KLHL32: variants seen among roughly 807,000 people sequenced by gnomAD.
KLHL32 encodes kelch like family member 32.
Under a neutral mutation model 64.8 loss-of-function variants are expected in KLHL32, and 35 were observed. The ratio of observed to expected loss-of-function variants is 0.54; its 90% CI spans 0.41 to 0.72. KLHL32 has a LOEUF of 0.72. Ranked by LOEUF, KLHL32 falls within the 30% of genes least tolerant of loss-of-function variation. The probability of loss-of-function intolerance (pLI) is 0.00; values close to 1 mark genes in which losing one functional copy is unlikely to be tolerated. For synonymous variants in KLHL32, 259 were observed against 281.0 expected, an observed-to-expected ratio of 0.92 and a Z score of 0.78; for missense variants, 589 against 768.5, an observed-to-expected ratio of 0.77 and a Z score of 2.76.
At chr6:97,083,015 T>G (rs1246416681) in intron 5 of KLHL32, among the ~76,000 whole-genome samples, 1 of 152,216 alleles carries the variant, frequency 6.6e-6, no homozygotes, top group Non-Finnish European at 1.5e-5. Flanking sequence ...CTGTGTACTT[T>G]CCACGTGCCA....
At chr6:96,979,265 T>A in intron 3 of KLHL32, among the ~76,000 whole-genome samples, 1 of 152,204 alleles carries the variant, frequency 6.6e-6, no homozygotes, top group East Asian at 1.9e-4. Flanking sequence ...AGGGTTTTTA[T>A]CATTTTAGGT....
chr6:96,996,893 G>A lies in KLHL32; in HGVS notation c.204+20716G>A, dbSNP rs187096525. Among the ~76,000 whole-genome samples, 7 of 152,126 alleles carry A rather than the reference G, an allele frequency of 4.6e-5. No individual in the cohort carries two copies. The East Asian group carries it at 1.4e-3, about 29-fold the overall frequency. On this transcript the variant is annotated intron_variant, in intron 3 of 10. Coordinates refer to ENST00000369261, the MANE Select transcript of KLHL32 (RefSeq NM_052904.4). ...CCCAAATTTTAATAATTCACATTAG[G>A]GGCATGAAAAGTGGTTAAGTAAGAG...
intron 7 of KLHL32, among the ~76,000 whole-genome samples, chr6:97,119,070 A>C (rs1324598223): frequency 6.6e-6 from 1 of 152,124 alleles, no homozygotes; most frequent in African/African-American, 2.4e-5. Flanking sequence ...TGGTCCAATC[A>C]CTTCAATAAT....
intron 3 of KLHL32, among the ~76,000 whole-genome samples, chr6:96,987,487 T>C (rs1562218607): frequency 6.6e-6 from 1 of 152,222 alleles, no homozygotes; most frequent in Non-Finnish European, 1.5e-5. Flanking sequence ...TCCATGCTTA[T>C]GGGTAGGAAG....
At chr6:97,120,674 G>A (rs573071425) in intron 7 of KLHL32, among the ~76,000 whole-genome samples, 5 of 152,124 alleles carry the variant, frequency 3.3e-5, no homozygotes, top group African/African-American at 4.8e-5. Flanking sequence ...TGTGTGTTGC[G>A]GGAGTAAGTA....
Position 97,055,796 on chromosome 6 carries a change from T to TAAAAAAAAAAAAAA in KLHL32, c.313-8819_313-8806dup, listed in dbSNP as rs750242567. Among the ~76,000 whole-genome samples, 282 of 81,008 alleles carry TAAAAAAAAAAAAAA rather than the reference T, an allele frequency of 3.5e-3. 33 individuals carry two copies. The highest frequency in any genetic ancestry group is 4.4e-3 in the Non-Finnish European group (159 of 36,462). 53.1% of individuals were successfully genotyped at this position (81,008 alleles called of 152,430 possible). A position where few individuals can be genotyped will look rare whatever the true frequency, so the allele number is the denominator to read the frequency against. ...CGAGGTAACAGACTGAGAACCTGTC[T>TAAAAAAAAAAAAAA]AAAAAAAAAAAAAAAAAAAAAAAAA... On this transcript the variant is annotated intron_variant, in intron 4 of 10. Transcript: ENST00000369261.
chr6:96,924,056 C>A (rs939704488), upstream of KLHL32, among the ~76,000 whole-genome samples: 1 of 152,176 alleles, frequency 6.6e-6, no homozygotes, highest in African/African-American at 2.4e-5. Context: ...TTTCTCATTT[C>A]TCAGGCTTGG....
chr6:96,988,932 C>G (rs779340313), intron 3 of KLHL32, among the ~76,000 whole-genome samples: 1 of 151,072 alleles, frequency 6.6e-6, no homozygotes, highest in Non-Finnish European at 1.5e-5. Context: ...GGAAGGGGAA[C>G]ATCACACACT....
At chr6:97,132,475 T>C (rs1799537201) in intron 9 of KLHL32, among the ~76,000 whole-genome samples, 178 bp from the exon 10 acceptor site, 1 of 152,120 alleles carries the variant, frequency 6.6e-6, no homozygotes, top group African/African-American at 2.4e-5. Flanking sequence ...ATTCATTCTC[T>C]GAGAAATAGT....
chr6:96,976,087 T>G lies in KLHL32; in HGVS notation c.114T>G (p.Asp38Glu). The G allele has an allele frequency of 6.2e-7, 1 of 1,609,588 alleles. No homozygotes were observed. The highest frequency in any genetic ancestry group is 8.5e-7 in the Non-Finnish European group (1 of 1,176,780). ...VLAALNQQRS[D>E]GILCDITLIA... ...CAGCGCTGAATCAGCAGAGGAGTGATGGCATCCTCTGCGACATCACCCTGA... is the reference window on the plus strand; with the variant it reads ...CAGCGCTGAATCAGCAGAGGAGTGAGGGCATCCTCTGCGACATCACCCTGA... Residue 38 changes from aspartate to glutamate, a missense_variant, in exon 3 of 11, where the codon GAT (aspartate) becomes GAG (glutamate). Around this residue, in one of 3 missense-constraint regions of KLHL32, gnomAD observed 191 missense variants for 223.3 expected, o/e 0.86. Coordinates refer to ENST00000369261, the MANE Select transcript of KLHL32 (RefSeq NM_052904.4).
At chr6:97,006,448 T>A (rs979468540) in intron 3 of KLHL32, among the ~76,000 whole-genome samples, 1 of 152,236 alleles carries the variant, frequency 6.6e-6, no homozygotes, top group African/African-American at 2.4e-5. Context: ...CAGTTGGGTC[T>A]TGCTTCTTTA....
At chr6:96,956,205 A>G (rs1773252466) in intron 1 of KLHL32, among the ~76,000 whole-genome samples, 1 of 152,170 alleles carries the variant, frequency 6.6e-6, no homozygotes, top group Non-Finnish European at 1.5e-5. Flanking sequence ...GTTACCTCTC[A>G]CTGGGTCCTT....
intron 7 of KLHL32, among the ~76,000 whole-genome samples, chr6:97,120,470 G>C (rs890857079): frequency 2.6e-5 from 4 of 152,186 alleles, no homozygotes; most frequent in African/African-American, 9.7e-5. Context: ...CAAAACTGTA[G>C]TGGCTCTGTT....
At chr6:96,903,081 G>A in the KLHL32 span, among the ~76,000 whole-genome samples, 36 of 151,684 alleles carry the variant, frequency 2.4e-4, no homozygotes, top group African/African-American at 8.2e-4. Context: ...TTAAAGGACT[G>A]AAGATAAAGC....
chr6:97,128,113 C>G (rs774042205), intron 8 of KLHL32, among the ~76,000 whole-genome samples: 1 of 152,122 alleles, frequency 6.6e-6, no homozygotes, highest in East Asian at 1.9e-4. Flanking sequence ...TTGATTATGA[C>G]GGTATTCCAA....
chr6:96,986,957 C>T (rs1777176014), intron 3 of KLHL32, among the ~76,000 whole-genome samples: 1 of 152,204 alleles, frequency 6.6e-6, no homozygotes, highest in Non-Finnish European at 1.5e-5. Context: ...CTGTCTTCTG[C>T]ATCGCTCACG....
At chr6:96,927,810 T>G (rs1241609626) in intron 1 of KLHL32, among the ~76,000 whole-genome samples, 4 of 152,184 alleles carry the variant, frequency 2.6e-5, no homozygotes, top group Admixed American at 2.6e-4. Context: ...CCTGGCTGAG[T>G]GCATGGAGAT....
At chr6:97,049,038 C>T (rs923125372) in intron 4 of KLHL32, among the ~76,000 whole-genome samples, 2 of 152,170 alleles carry the variant, frequency 1.3e-5, no homozygotes, top group East Asian at 1.9e-4. Context: ...CAGTGAAATC[C>T]ACATTTTAAG....
intron 4 of KLHL32, among the ~76,000 whole-genome samples, chr6:97,061,867 G>A (rs867265919): frequency 5.9e-5 from 9 of 152,146 alleles, no homozygotes; most frequent in Middle Eastern, 3.4e-3. Flanking sequence ...AAATATATTC[G>A]AACAGTCAGT....
Sources: gnomAD v4.1 joint callset for allele counts (sites outside exome capture counted in the v4.1 genomes callset) on GRCh38, gnomAD v4.1.1 for gene constraint, gnomAD v4.1.1 regional missense constraint, MANE v1.5 for transcripts, NCBI Gene and HGNC (gene_info 2026-07-23, HGNC 2026-07-21) for gene names.